Variants in TTC28 observed in about 807,000 individuals in gnomAD.
The protein encoded by TTC28 is tetratricopeptide repeat domain 28.
A neutral mutation model predicts 198.0 loss-of-function variants in TTC28; 61 were observed. That is an observed-to-expected ratio of 0.31 (90% CI 0.25 to 0.38). TTC28 has a LOEUF of 0.38. Among genes scored for constraint, TTC28 ranks in the 10% least tolerant of loss-of-function variants. The pLI, the probability that TTC28 is intolerant of heterozygous loss-of-function variation, is 1.00. For synonymous variants in TTC28, 1,171 were observed against 1,297.8 expected, an observed-to-expected ratio of 0.90 and a Z score of 2.10; for missense variants, 2,678 against 3,164.0, an observed-to-expected ratio of 0.85 and a Z score of 3.69.
At chr22:28,115,561 T>C (rs962606317) in intron 6 of TTC28, among the ~76,000 whole-genome samples, 2 of 152,230 alleles carry the variant, frequency 1.3e-5, no homozygotes, top group African/African-American at 2.4e-5. Context: ...GAAGTACACA[T>C]TAGATACAAG....
rs1264279154 is a variant in TTC28, at chr22:28,030,281, C to A, written c.4018G>T (p.Val1340Phe). 1 of 1,551,666 alleles carries A rather than the reference C, an allele frequency of 6.4e-7. No homozygotes were observed. The highest frequency in any genetic ancestry group is 1.4e-5 in the African/African-American group (1 of 73,046). ...FEEMNNKLNS[V>F]TDPTGFLRMV... ...CGCAGAAAGCCAGTGGGGTCAGTGA[C>A]CGAGTTGAGTTTGTTGTTCATCTCT... The change falls in exon 13 of 23, where the codon GTC (valine) becomes TTC (phenylalanine). Residue 1340 changes from valine to phenylalanine, a missense_variant. Val to Phe is a conservative substitution (Grantham distance 50, BLOSUM62 -1). Transcript: ENST00000397906.
intron 6 of TTC28, among the ~76,000 whole-genome samples, chr22:28,131,551 C>T (rs943341250): frequency 1.3e-5 from 2 of 152,164 alleles, no homozygotes; most frequent in African/African-American, 2.4e-5. Context: ...CCACTTATCA[C>T]TAGCCTCGGA....
rs201103861 is a variant in TTC28, at chr22:28,541,917, T to TA, written c.381+87634dup. ...GCAATATAGCAAGACCCCCATGTCT[T>TA]AAAAAAAAAGGTCTTTCAAAAATCA... On this transcript the variant is annotated intron_variant, in intron 2 of 22. Transcript: ENST00000397906. 4.8e-4 allele frequency among the ~76,000 whole-genome samples: 72 copies of TA among 150,514 alleles called. No individual in the cohort carries two copies. The East Asian group carries it at 4.9e-3, about 10-fold the overall frequency.
chr22:28,201,186 T>TTCAC (rs958199026), intron 5 of TTC28, among the ~76,000 whole-genome samples: 2 of 152,034 alleles, frequency 1.3e-5, no homozygotes, highest in African/African-American at 4.8e-5. Flanking sequence ...TTAAAATTCA[T>TTCAC]TCATTCATTC....
intron 2 of TTC28, among the ~76,000 whole-genome samples, chr22:28,505,901 GGAA>G (rs2048605544): frequency 6.6e-6 from 1 of 152,220 alleles, no homozygotes. Context: ...GAGTTCCCGG[GGAA>G]GAAGGGTGGC....
intron 2 of TTC28, among the ~76,000 whole-genome samples, chr22:28,361,646 G>A (rs2046160906): frequency 6.6e-6 from 1 of 152,172 alleles, no homozygotes; most frequent in Admixed American, 6.5e-5. Context: ...ATTGATGAAG[G>A]TGGCTACACC....
At chr22:28,637,254 C>T (rs1274310551) in intron 1 of TTC28, among the ~76,000 whole-genome samples, 2 of 152,142 alleles carry the variant, frequency 1.3e-5, no homozygotes, top group African/African-American at 2.4e-5. Context: ...CCAGGTGATC[C>T]GCCTGCCTCA....
At chr22:28,155,224 T>G (rs1448142976) in intron 6 of TTC28, among the ~76,000 whole-genome samples, 1 of 152,234 alleles carries the variant, frequency 6.6e-6, no homozygotes, top group Non-Finnish European at 1.5e-5. Context: ...TCATGTGCTT[T>G]CCCTAACTAG....
chr22:28,513,507 G>A (rs900181892), intron 2 of TTC28, among the ~76,000 whole-genome samples: 2 of 152,164 alleles, frequency 1.3e-5, no homozygotes, highest in African/African-American at 4.8e-5. Context: ...GGAAGGCTGA[G>A]GCAGGAGAAG....
At chr22:28,518,318 A>C (rs1601501335) in intron 2 of TTC28, among the ~76,000 whole-genome samples, 1 of 152,212 alleles carries the variant, frequency 6.6e-6, no homozygotes, top group East Asian at 1.9e-4. Flanking sequence ...TAAATTTTTG[A>C]AAATGAGTAT....
Position 28,105,485 on chromosome 22 carries a change from G to C in TTC28, c.3101C>G (p.Thr1034Arg), listed in dbSNP as rs1038256143. 1.3e-6 allele frequency: 2 copies of C among 1,551,670 alleles called. No homozygotes were observed. The highest frequency in any genetic ancestry group is 2.0e-5 in the Admixed American group (1 of 51,008). Residue 1034 changes from threonine to arginine, a missense_variant, in exon 8 of 23, where the codon ACG (threonine) becomes AGG (arginine). By Grantham distance (71) the Thr-to-Arg change is moderately conservative (BLOSUM62 -1). Around this residue, in one of 8 missense-constraint regions of TTC28, gnomAD observed 727 missense variants for 861.9 expected, o/e 0.84. Coordinates refer to ENST00000397906, the MANE Select transcript of TTC28 (RefSeq NM_001145418.2). Reference protein sequence around the residue: ...LQIAEETNNPTCQGRAYGNLG... With the variant: ...LQIAEETNNPRCQGRAYGNLG... ...GTTCCCATAGGCTCGGCCCTGGCAC[G>C]TGGGGTTGTTGGTTTCCTCTGCTAT...
At chr22:28,567,507 T>TATATATATATAC (rs1284068537) in intron 2 of TTC28, among the ~76,000 whole-genome samples, 3 of 134,614 alleles carry the variant, frequency 2.2e-5, no homozygotes, top group Non-Finnish European at 3.2e-5. Context: ...TATATATATA[T>TATATATATATAC]ATGTTTTTAC....
chr22:28,172,822 T>C (rs559945134), intron 5 of TTC28, among the ~76,000 whole-genome samples: 1 of 152,212 alleles, frequency 6.6e-6, no homozygotes, highest in East Asian at 1.9e-4. Context: ...AAGAATGGAA[T>C]AGGATTTAGC....
chr22:28,648,858 G>A (rs555282954), intron 1 of TTC28, among the ~76,000 whole-genome samples: 1 of 152,044 alleles, frequency 6.6e-6, no homozygotes, highest in East Asian at 1.9e-4. Flanking sequence ...GCAGTGAGCC[G>A]AGATCACGCC....
intron 2 of TTC28, among the ~76,000 whole-genome samples, chr22:28,518,446 T>A (rs1259863060): frequency 1.3e-5 from 2 of 151,910 alleles, no homozygotes; most frequent in African/African-American, 4.8e-5. Context: ...CAGGGCCTCA[T>A]CTCTATGAAA....
chr22:28,167,103 C>T (rs1922069355), intron 5 of TTC28, among the ~76,000 whole-genome samples: 1 of 152,112 alleles, frequency 6.6e-6, no homozygotes, highest in Admixed American at 6.5e-5. Context: ...ACACATACAC[C>T]CGCCCAAGAC....
intron 5 of TTC28, among the ~76,000 whole-genome samples, chr22:28,248,830 T>C (rs551284499): frequency 6.6e-6 from 1 of 152,248 alleles, no homozygotes; most frequent in South Asian, 2.1e-4. Context: ...TCTCCCCTTT[T>C]CCACATAATA....
intron 17 of TTC28, 138 bp from the exon 18 acceptor site, chr22:27,993,656 A>T (rs1241723085): frequency 2.5e-6 from 2 of 785,282 alleles, no homozygotes; most frequent in South Asian, 3.8e-5. Context: ...GCCAGGCCTG[A>T]GGATGTGACA....
At chr22:28,189,010 A>G (rs752211724) in intron 5 of TTC28, among the ~76,000 whole-genome samples, 5 of 152,096 alleles carry the variant, frequency 3.3e-5, no homozygotes, top group Non-Finnish European at 7.4e-5. Flanking sequence ...AAAGGAACTC[A>G]GGGGGAAAAG....
Sources: allele counts gnomAD v4.1 joint callset (sites outside exome capture counted in the v4.1 genomes callset), GRCh38; gene constraint gnomAD v4.1.1; regional missense constraint gnomAD v4.1.1; transcripts MANE v1.5; gene names NCBI Gene and HGNC (gene_info 2026-07-23, HGNC 2026-07-21).